The following PRR16 variants were observed in gnomAD, a reference collection of about 807,000 sequenced individuals.
The protein encoded by PRR16 is proline rich 16, also known as protein Largen.
A neutral mutation model predicts 18.2 loss-of-function variants in PRR16; 6 were observed. That is an observed-to-expected ratio of 0.33 (90% CI 0.18 to 0.65). The LOEUF (loss-of-function observed/expected upper bound fraction) is 0.65. Ranked by LOEUF, PRR16 falls within the 30% of genes least tolerant of loss-of-function variation. The pLI, the probability that PRR16 is intolerant of heterozygous loss-of-function variation, is 0.74. For synonymous variants in PRR16, 151 were observed against 147.8 expected (o/e 1.02, Z -0.16); for missense variants, 412 against 376.6 (o/e 1.09, Z -0.78).
the PRR16 span, among the ~76,000 whole-genome samples, chr5:120,769,690 GACTT>G: frequency 6.6e-6 from 1 of 151,582 alleles, no homozygotes; most frequent in Admixed American, 6.6e-5. Context: ...GATTTTTTTT[GACTT>G]ACTGATTTCA....
intron 1 of PRR16, among the ~76,000 whole-genome samples, chr5:120,482,796 A>G (rs1311460250): frequency 6.6e-6 from 1 of 152,176 alleles, no homozygotes; most frequent in East Asian, 1.9e-4. Flanking sequence ...TTAGCTTACC[A>G]TAGTGCTGAT....
chr5:120,720,924 C>T, the PRR16 span, among the ~76,000 whole-genome samples: 21 of 152,118 alleles, frequency 1.4e-4, no homozygotes, highest in South Asian at 6.2e-4. Context: ...AGGATTCTCT[C>T]GTATCTCAGA....
chr5:120,487,420 G>A (rs1177155687), intron 1 of PRR16, among the ~76,000 whole-genome samples: 1 of 152,164 alleles, frequency 6.6e-6, no homozygotes, highest in Non-Finnish European at 1.5e-5. Context: ...TTGTGAATGG[G>A]CGTTCACTCA....
chr5:120,594,718 C>T (rs1297900074), intron 1 of PRR16, among the ~76,000 whole-genome samples: 1 of 152,072 alleles, frequency 6.6e-6, no homozygotes, highest in Admixed American at 6.5e-5. Context: ...CACTATAGGG[C>T]TACAGTAGCC....
the PRR16 span, among the ~76,000 whole-genome samples, chr5:120,735,358 A>G: frequency 6.6e-6 from 1 of 152,180 alleles, no homozygotes; most frequent in South Asian, 2.1e-4. Flanking sequence ...TCTGCTTTCA[A>G]TACTTTTGGA....
chr5:120,643,142 AT>A (rs1755476741), intron 1 of PRR16, among the ~76,000 whole-genome samples: 1 of 151,896 alleles, frequency 6.6e-6, no homozygotes. Context: ...ATGTAAGCTT[AT>A]TGATAATAAA....
At chr5:120,700,989 A>G in the PRR16 span, among the ~76,000 whole-genome samples, 21 of 152,276 alleles carry the variant, frequency 1.4e-4, no homozygotes, top group South Asian at 4.1e-4. Flanking sequence ...GATGGGACAC[A>G]GCTTAGGAGG....
At chr5:120,706,847 A>T in the PRR16 span, among the ~76,000 whole-genome samples, 2 of 152,208 alleles carry the variant, frequency 1.3e-5, no homozygotes, top group Non-Finnish European at 2.9e-5. Context: ...CACTGCTCTA[A>T]GCTATTGTGG....
chr5:120,658,636 A>T (rs954534329), intron 1 of PRR16, among the ~76,000 whole-genome samples: 1 of 151,960 alleles, frequency 6.6e-6, no homozygotes, highest in Non-Finnish European at 1.5e-5. Flanking sequence ...GACAAAAATA[A>T]GATACTACAA....
rs1010368625 is a variant in PRR16, at chr5:120,627,765, A to C, written c.160-58189A>C. On this transcript the variant is annotated intron_variant, in intron 1 of 1. Transcript: ENST00000407149. ...TGGAGCTCCAAGTTATTCTTCCCCCAAAATATTCTGAATGGCCGATTTCCT... is the reference window on the plus strand; with the variant it reads ...TGGAGCTCCAAGTTATTCTTCCCCCCAAATATTCTGAATGGCCGATTTCCT... Among the ~76,000 whole-genome samples, 69 of 152,190 alleles carry C rather than the reference A, an allele frequency of 4.5e-4. 1 individual carries two copies. The highest frequency in any genetic ancestry group is 1.5e-3 in the Admixed American group (23 of 15,248).
chr5:120,694,548 G>A, the PRR16 span, among the ~76,000 whole-genome samples: 2 of 151,936 alleles, frequency 1.3e-5, no homozygotes, highest in African/African-American at 4.8e-5. Context: ...GCCGGGCGAG[G>A]TGGCGGGCGC....
chr5:120,641,567 T>C (rs988033504), intron 1 of PRR16, among the ~76,000 whole-genome samples: 1 of 152,056 alleles, frequency 6.6e-6, no homozygotes, highest in African/African-American at 2.4e-5. Context: ...GTGGCAAAAA[T>C]GAACCCCACA....
chr5:120,567,609 G>T (rs532511046), intron 1 of PRR16, among the ~76,000 whole-genome samples: 1 of 152,112 alleles, frequency 6.6e-6, no homozygotes, highest in African/African-American at 2.4e-5. Flanking sequence ...TGGATCATGG[G>T]GGCGGATTTC....
At chr5:120,734,730 T>C in the PRR16 span, among the ~76,000 whole-genome samples, 11 of 152,238 alleles carry the variant, frequency 7.2e-5, no homozygotes, top group Non-Finnish European at 1.5e-5. Context: ...TTTATTTGTC[T>C]TTGTGCCTGT....
intron 1 of PRR16, among the ~76,000 whole-genome samples, chr5:120,595,340 G>C (rs1753764946): frequency 6.6e-6 from 1 of 151,292 alleles, no homozygotes; most frequent in Non-Finnish European, 1.5e-5. Flanking sequence ...TCATATGAAG[G>C]AAAGCTCAAC....
the PRR16 span, among the ~76,000 whole-genome samples, chr5:120,754,852 T>C: frequency 1.3e-5 from 2 of 151,072 alleles, no homozygotes; most frequent in Non-Finnish European, 3.0e-5. Flanking sequence ...CAAAACCTCG[T>C]AGTTCAATAG....
chr5:120,736,355 C>T, the PRR16 span, among the ~76,000 whole-genome samples: 2 of 152,066 alleles, frequency 1.3e-5, no homozygotes, highest in Non-Finnish European at 2.9e-5. Context: ...ACCTCTGTCT[C>T]CCGGGTTCAA....
chr5:120,606,631 A>G (rs1431076079), intron 1 of PRR16, among the ~76,000 whole-genome samples: 1 of 152,164 alleles, frequency 6.6e-6, no homozygotes, highest in African/African-American at 2.4e-5. Flanking sequence ...AGCTGAGTGC[A>G]GTGGTTCTTG....
intron 1 of PRR16, among the ~76,000 whole-genome samples, chr5:120,623,042 A>C (rs1026795989): frequency 6.6e-6 from 1 of 152,260 alleles, no homozygotes; most frequent in South Asian, 2.1e-4. Flanking sequence ...AAGGTAATAT[A>C]AAGTAATGTA....
Sources: gnomAD v4.1 joint callset for allele counts (sites outside exome capture counted in the v4.1 genomes callset) on GRCh38, gnomAD v4.1.1 for gene constraint, MANE v1.5 for transcripts, NCBI Gene and HGNC (gene_info 2026-07-23, HGNC 2026-07-21) for gene names.